Variants in PDE3B observed in about 807,000 individuals in gnomAD.
The protein encoded by PDE3B is cGMP-inhibited 3',5'-cyclic phosphodiesterase 3B.
In PDE3B, 66 loss-of-function variants were observed where a neutral mutation model predicts 116.8. The ratio of observed to expected loss-of-function variants is 0.56; its 90% CI spans 0.46 to 0.69. The LOEUF (loss-of-function observed/expected upper bound fraction) is 0.69. PDE3B is among the 30% of genes least tolerant of loss of function. The probability of loss-of-function intolerance (pLI) is 0.00; values close to 1 mark genes in which losing one functional copy is unlikely to be tolerated. For missense variants in PDE3B, 1,384 were observed against 1,368.1 expected, an observed-to-expected ratio of 1.01 and a Z score of -0.18; for synonymous variants, 595 against 533.6, an observed-to-expected ratio of 1.12 and a Z score of -1.59.
At chr11:14,856,079 A>C (rs1391541002) in intron 12 of PDE3B, among the ~76,000 whole-genome samples, 2 of 152,244 alleles carry the variant, frequency 1.3e-5, no homozygotes, top group South Asian at 2.1e-4. Flanking sequence ...AGGTGATTAG[A>C]CCATGGGGGC....
chr11:14,804,858 T>G (rs1460557007), intron 5 of PDE3B, among the ~76,000 whole-genome samples: 1 of 152,084 alleles, frequency 6.6e-6, no homozygotes, highest in Non-Finnish European at 1.5e-5. Context: ...AGTCTAGAAC[T>G]GAGAAATGCA....
chr11:14,668,073 G>A (rs868653635), intron 1 of PDE3B, among the ~76,000 whole-genome samples: 3 of 151,926 alleles, frequency 2.0e-5, no homozygotes, highest in Admixed American at 6.6e-5. Context: ...CTATTTCAGG[G>A]GGCTCAAGAG....
At chr11:14,781,420 T>G (rs1293311059) in intron 2 of PDE3B, among the ~76,000 whole-genome samples, 3 of 152,216 alleles carry the variant, frequency 2.0e-5, no homozygotes, top group Non-Finnish European at 4.4e-5. Flanking sequence ...AATAAAATAC[T>G]GGCAAACCGA....
intron 4 of PDE3B, among the ~76,000 whole-genome samples, chr11:14,801,325 A>T (rs891110059): frequency 5.3e-5 from 8 of 152,128 alleles, no homozygotes; most frequent in Non-Finnish European, 7.4e-5. Flanking sequence ...TGACCTTCAG[A>T]TGGGGTCTTT....
chr11:14,794,505 G>A (rs1042319859), intron 4 of PDE3B, among the ~76,000 whole-genome samples: 1 of 151,934 alleles, frequency 6.6e-6, no homozygotes, highest in African/African-American at 2.4e-5. Context: ...GTAGAGACGG[G>A]GTTTCACCAT....
intron 14 of PDE3B, among the ~76,000 whole-genome samples, chr11:14,863,257 A>T (rs1262783025): frequency 6.6e-6 from 1 of 152,212 alleles, no homozygotes; most frequent in Non-Finnish European, 1.5e-5. Context: ...TATATGTGCC[A>T]CATTTTCTTT....
At chr11:14,821,965 G>A (rs1296042830) in intron 7 of PDE3B, among the ~76,000 whole-genome samples, 1 of 150,488 alleles carries the variant, frequency 6.6e-6, no homozygotes, top group Non-Finnish European at 1.5e-5. Context: ...AGAGTACAGT[G>A]GCACAATCAT....
At chr11:14,723,161 C>T (rs1012755032) in intron 1 of PDE3B, among the ~76,000 whole-genome samples, 2 of 152,204 alleles carry the variant, frequency 1.3e-5, no homozygotes, top group African/African-American at 4.8e-5. Flanking sequence ...TTAGTCCTTA[C>T]AGAATTGTAT....
chr11:14,805,875 A>G (rs1487872161), intron 5 of PDE3B, among the ~76,000 whole-genome samples: 1 of 152,242 alleles, frequency 6.6e-6, no homozygotes, highest in Non-Finnish European at 1.5e-5. Flanking sequence ...TATGCAGCCA[A>G]CAGACATAGG....
chr11:14,729,964 G>A (rs1856411492), intron 1 of PDE3B, among the ~76,000 whole-genome samples: 2 of 152,108 alleles, frequency 1.3e-5, no homozygotes, highest in African/African-American at 2.4e-5. Context: ...CACTGAGAGG[G>A]TTGTAGAACT....
chr11:14,759,988 A>G (rs1030902269), intron 1 of PDE3B, among the ~76,000 whole-genome samples: 3 of 152,096 alleles, frequency 2.0e-5, no homozygotes, highest in Admixed American at 6.5e-5. Flanking sequence ...GGTCGTTTTT[A>G]TAGGATGAAA....
At chr11:14,762,225 C>T (rs184787633) in intron 1 of PDE3B, among the ~76,000 whole-genome samples, 73 of 151,890 alleles carry the variant, frequency 4.8e-4, no homozygotes, top group African/African-American at 1.6e-3. Context: ...CTCAAATACT[C>T]CTCCTGCCTG....
chr11:14,758,644 A>G (rs1289889589), intron 1 of PDE3B, among the ~76,000 whole-genome samples: 3 of 146,534 alleles, frequency 2.0e-5, no homozygotes, highest in Admixed American at 1.4e-4. Flanking sequence ...TGATTTTTGT[A>G]CATTGATTTT....
chr11:14,685,784 A>G (rs1479519412), intron 1 of PDE3B, among the ~76,000 whole-genome samples: 1 of 152,038 alleles, frequency 6.6e-6, no homozygotes, highest in Non-Finnish European at 1.5e-5. Context: ...GTTTTATATC[A>G]TCCTTGATAA....
At chr11:14,850,935 T>C (rs1428423507) in intron 12 of PDE3B, among the ~76,000 whole-genome samples, 2 of 151,946 alleles carry the variant, frequency 1.3e-5, no homozygotes, top group Non-Finnish European at 2.9e-5. Flanking sequence ...TTCATGCCAT[T>C]ATCCTGCCTC....
At chr11:14,893,728 T>C in the PDE3B span, among the ~76,000 whole-genome samples, 2 of 152,150 alleles carry the variant, frequency 1.3e-5, no homozygotes, top group South Asian at 4.1e-4. Flanking sequence ...CTTATAAGGA[T>C]CGTTGTGATT....
chr11:14,663,511 A>T (rs932958276), intron 1 of PDE3B, among the ~76,000 whole-genome samples: 1 of 150,084 alleles, frequency 6.7e-6, no homozygotes, highest in Non-Finnish European at 1.5e-5. Flanking sequence ...GACACTCCTC[A>T]CTTCAAAAAA....
chr11:14,812,940 G>A (rs993324749), intron 5 of PDE3B, among the ~76,000 whole-genome samples: 15 of 152,080 alleles, frequency 9.9e-5, no homozygotes, highest in Admixed American at 7.2e-4. Flanking sequence ...TCATGAATGG[G>A]ATGAGTGCCT....
At chr11:14,753,246 C>T (rs1416716365) in intron 1 of PDE3B, among the ~76,000 whole-genome samples, 1 of 152,030 alleles carries the variant, frequency 6.6e-6, no homozygotes, top group African/African-American at 2.4e-5. Flanking sequence ...TGAGTGCCTT[C>T]CATGAACCAC....
Sources: allele counts gnomAD v4.1 joint callset (sites outside exome capture counted in the v4.1 genomes callset), GRCh38; gene constraint gnomAD v4.1.1; transcripts MANE v1.5; gene names NCBI Gene and HGNC (gene_info 2026-07-23, HGNC 2026-07-21).